ITGAV: variants seen among roughly 807,000 people sequenced by gnomAD.
The protein encoded by ITGAV is integrin alpha-V.
In ITGAV, 76 loss-of-function variants were observed where a neutral mutation model predicts 143.8. That is an observed-to-expected ratio of 0.53 (90% confidence interval 0.44 to 0.64). The LOEUF (loss-of-function observed/expected upper bound fraction) is 0.64. Among genes scored for constraint, ITGAV ranks in the 30% least tolerant of loss-of-function variants. The pLI, the probability that ITGAV is intolerant of heterozygous loss-of-function variation, is 0.00. For missense variants in ITGAV, 1,193 were observed against 1,274.7 expected, an observed-to-expected ratio of 0.94 and a Z score of 0.98; for synonymous variants, 453 against 446.7, an observed-to-expected ratio of 1.01 and a Z score of -0.18.
rs201169088 is a variant in ITGAV, at chr2:186,667,764, G to A, written c.2421G>A (p.Gln807=). The change falls in exon 24 of 30, where the codon CAG becomes CAA. Residue 807 remains glutamine (Q), a synonymous_variant. Transcript: ENST00000261023. ...AAGAAGATGTTGGGCCAGTTGTTCA[G>A]CACATCTATGAGGTTTGCAGTTGTT... ...ETEEDVGPVV[Q]HIYELRNNGP... is the part of the protein sequence containing the mutation. 78 of 1,607,212 alleles carry A rather than the reference G, an allele frequency of 4.9e-5. No individual in the cohort carries two copies. Among genetic ancestry groups the A allele is most frequent in the Non-Finnish European group, 6.0e-5 (71 of 1,175,210 alleles).
In ITGAV at chr2:186,675,606, T is replaced by A. The variant is rs138642568; in HGVS notation, c.2709T>A (p.Gly903=). ...ALSEGDIHTL[G]CGVAQCLKIV... is the part of the protein sequence containing the mutation. ...AAGTAAAGGATTTGTTTTGGCAGGG[T>A]TGTGGAGTTGCTCAGTGCTTGAAGA... The change falls in exon 27 of 30, where the codon GGT becomes GGA. Residue 903 remains glycine (G), a splice_region_variant and synonymous_variant. Coordinates refer to ENST00000261023, the MANE Select transcript of ITGAV (RefSeq NM_002210.5). 3.3e-5 allele frequency: 53 copies of A among 1,610,936 alleles called. No individual in the cohort carries two copies. The African/African-American group carries it at 6.3e-4, about 19-fold the overall frequency.
intron 8 of ITGAV, among the ~76,000 whole-genome samples, chr2:186,638,010 T>C (rs1004622567): frequency 1.3e-5 from 2 of 152,198 alleles, no homozygotes; most frequent in African/African-American, 4.8e-5. Context: ...TACTTTATCT[T>C]GTCTATTCTT....
intron 3 of ITGAV, among the ~76,000 whole-genome samples, chr2:186,622,673 A>G (rs1050674397): frequency 1.3e-5 from 2 of 152,138 alleles, no homozygotes; most frequent in Non-Finnish European, 2.9e-5. Context: ...CCCACTTGAC[A>G]GTTCCTATCA....
chr2:186,643,522 TTTG>T (rs778148659), intron 12 of ITGAV, among the ~76,000 whole-genome samples: 6 of 152,202 alleles, frequency 3.9e-5, no homozygotes, highest in Non-Finnish European at 7.3e-5. Flanking sequence ...TGTTAGATCT[TTTG>T]TTGTTGTTCA....
At chr2:186,672,943 TC>T (rs1204103675) in intron 26 of ITGAV, among the ~76,000 whole-genome samples, 2 of 152,242 alleles carry the variant, frequency 1.3e-5, no homozygotes, top group Non-Finnish European at 2.9e-5. Flanking sequence ...ATCTATGTCT[TC>T]TTTTGTTGCT....
At chr2:186,676,232 A>T (rs939955100) in intron 28 of ITGAV, 2 of 241,314 alleles carry the variant, frequency 8.3e-6, no homozygotes, top group African/African-American at 4.6e-5. Context: ...ATTAACTGCA[A>T]CAAGTGAGGC....
rs546173260 is a variant in ITGAV, at chr2:186,631,779, T to A, written c.585+921T>A. Among the ~76,000 whole-genome samples, 3 of 152,312 alleles carry A rather than the reference T, an allele frequency of 2.0e-5. No homozygotes were observed. In the East Asian group the frequency reaches 5.8e-4, roughly 29 times the overall value. ...TGGGTGCAGTGGCTCATGCCTGTAG[T>A]CCCAGCACTTTGGGAGGCTGAGGTA... On this transcript the variant is annotated intron_variant, in intron 5 of 29. Coordinates refer to ENST00000261023, the MANE Select transcript of ITGAV (RefSeq NM_002210.5).
At chr2:186,606,695 TAGTC>T (rs765699884) in intron 2 of ITGAV, among the ~76,000 whole-genome samples, 31 of 152,304 alleles carry the variant, frequency 2.0e-4, no homozygotes, top group Admixed American at 7.8e-4. Context: ...TATCTTTTCT[TAGTC>T]AGTCACATCT....
chr2:186,639,347 G>C (rs1311504666), intron 10 of ITGAV, among the ~76,000 whole-genome samples: 1 of 152,166 alleles, frequency 6.6e-6, no homozygotes, highest in African/African-American at 2.4e-5. Flanking sequence ...GGATAGGATT[G>C]ACAGGCTGAC....
At chr2:186,641,771 A>G (rs1172750224) in intron 12 of ITGAV, 183 bp downstream of exon 12, 10 of 587,378 alleles carry the variant, frequency 1.7e-5, no homozygotes, top group Non-Finnish European at 3.0e-5. Context: ...AATCAGAGCA[A>G]AGATTTCAAT....
intron 8 of ITGAV, 60 bp from the exon 9 acceptor site, chr2:186,638,207 AGTCACTTCTG>A (rs1688000345): frequency 4.4e-6 from 6 of 1,354,904 alleles, no homozygotes; most frequent in Non-Finnish European, 6.3e-6. Flanking sequence ...TTGCTGACAT[AGTCACTTCTG>A]GTCTGCAACT....
intron 26 of ITGAV, 138 bp from the exon 27 acceptor site, chr2:186,675,466 G>A (rs1689180992): frequency 3.1e-6 from 2 of 638,814 alleles, no homozygotes; most frequent in Non-Finnish European, 5.6e-6. Context: ...TCAACTATTA[G>A]CCTGTTTATT....
In ITGAV at chr2:186,630,798, A is replaced by G; in HGVS notation, c.525A>G (p.Gln175=). 6.5e-7 allele frequency: 1 copy of G among 1,546,734 alleles called. No homozygotes were observed. Among genetic ancestry groups the G allele is most frequent in the South Asian group, 1.1e-5 (1 of 88,028 alleles). The stretch of plus-strand genomic sequence containing the variant: ...ATATTTCCAATCTTTTTATTTTAGA[A>G]GATATTGATGCTGATGGACAGGGAT... ...KTVEYAPCRS[Q]DIDADGQGFC... Residue 175 remains glutamine (Q), a splice_region_variant and synonymous_variant, in exon 5 of 30, where the codon CAA becomes CAG. Transcript: ENST00000261023.
Position 186,678,918 on chromosome 2 carries a change from G to A in ITGAV, c.*1626G>A. On this transcript the variant is annotated 3_prime_UTR_variant, in exon 30 of 30. Transcript: ENST00000261023. ...TGCACAAGTTGACTGAGCTAATCTT[G>A]AGAATATATTCGTAAAATAGGAGCA... 5.5e-6 allele frequency: 2 copies of A among 360,466 alleles called. No homozygotes were observed. The highest frequency in any genetic ancestry group is 2.1e-5 in the African/African-American group (1 of 46,710). 22.3% of individuals were successfully genotyped at this position (360,466 alleles called of 1,614,324 possible). A position where few individuals can be genotyped will look rare whatever the true frequency, so the allele number is the denominator to read the frequency against.
chr2:186,606,557 C>G lies in ITGAV; in HGVS notation c.316+4406C>G, dbSNP rs76693556. On this transcript the variant is annotated intron_variant, in intron 2 of 29. Coordinates refer to ENST00000261023, the MANE Select transcript of ITGAV (RefSeq NM_002210.5). Reference sequence around the variant, plus strand: ...CCTCCCTTTTGCCTTCTTAGAGACCCTCCCTATTCCTTCATTTGCTTCTGT... The same window carrying G: ...CCTCCCTTTTGCCTTCTTAGAGACCGTCCCTATTCCTTCATTTGCTTCTGT... 8.2e-3 allele frequency among the ~76,000 whole-genome samples: 1,254 copies of G among 152,170 alleles called. 20 individuals carry two copies. Among genetic ancestry groups the G allele is most frequent in the African/African-American group, 0.028 (1,171 of 41,506 alleles).
intron 20 of ITGAV, 30 bp from the exon 21 acceptor site, chr2:186,665,096 A>ATTTTTT (rs35994921): frequency 9.9e-7 from 1 of 1,013,868 alleles, no homozygotes; most frequent in South Asian, 1.6e-5. Context: ...TTTCATATCC[A>ATTTTTT]TTTTTTTTTT....
intron 1 of ITGAV, among the ~76,000 whole-genome samples, chr2:186,594,325 T>G (rs1444868093): frequency 6.6e-6 from 1 of 152,180 alleles, no homozygotes; most frequent in East Asian, 1.9e-4. Context: ...TTGGAAATAC[T>G]TTCATATTCC....
At chr2:186,622,871 T>C (rs1687571559) in intron 3 of ITGAV, among the ~76,000 whole-genome samples, 1 of 152,120 alleles carries the variant, frequency 6.6e-6, no homozygotes, top group Non-Finnish European at 1.5e-5. Context: ...CAAGCAATTC[T>C]CCTGCTGCAG....
At chr2:186,638,169 T>C in intron 8 of ITGAV, 108 bp from the exon 9 acceptor site, 1 of 886,220 alleles carries the variant, frequency 1.1e-6, no homozygotes, top group African/African-American at 1.7e-5. Context: ...GATTGTTTGT[T>C]TTGAACTGAA....
Sources: gnomAD v4.1 joint callset for allele counts (sites outside exome capture counted in the v4.1 genomes callset) on GRCh38, gnomAD v4.1.1 for gene constraint, MANE v1.5 for transcripts, NCBI Gene and HGNC (gene_info 2026-07-23, HGNC 2026-07-21) for gene names.